OTUD7A: variants seen among roughly 807,000 people sequenced by gnomAD.
OTUD7A encodes the protein OTU deubiquitinase 7A.
OTUD7A carries 12 observed loss-of-function variants against 65.7 expected under a neutral mutation model. The ratio of observed to expected loss-of-function variants is 0.18; its 90% CI spans 0.12 to 0.30. OTUD7A has a LOEUF of 0.30. Among genes scored for constraint, OTUD7A ranks in the 10% least tolerant of loss-of-function variants. The pLI is 1.00. For synonymous variants in OTUD7A, 641 were observed against 586.3 expected, an observed-to-expected ratio of 1.09 and a Z score of -1.35; for missense variants, 1,148 against 1,304.8, an observed-to-expected ratio of 0.88 and a Z score of 1.85.
intron 1 of OTUD7A, among the ~76,000 whole-genome samples, chr15:31,846,420 T>C (rs1307223878): frequency 6.6e-6 from 1 of 152,136 alleles, no homozygotes; most frequent in Non-Finnish European, 1.5e-5. Context: ...GGAGCACATA[T>C]TGCAGATATC....
At chr15:31,494,671 G>A (rs536355291) in intron 10 of OTUD7A, among the ~76,000 whole-genome samples, 1 of 152,306 alleles carries the variant, frequency 6.6e-6, no homozygotes, top group Non-Finnish European at 1.5e-5. Flanking sequence ...GGTGCACTCT[G>A]TGCACACATC....
At chr15:31,511,154 C>CTATATGTAACACACATATATATG in intron 8 of OTUD7A, among the ~76,000 whole-genome samples, 1 of 17,966 alleles carries the variant, frequency 5.6e-5, no homozygotes, top group Non-Finnish European at 8.9e-5. Flanking sequence ...ATATGTATAT[C>CTATATGTAACACACATATATATG]TATATGTAAC....
chr15:31,765,404 C>T (rs1054531433), intron 1 of OTUD7A, among the ~76,000 whole-genome samples: 3 of 147,944 alleles, frequency 2.0e-5, no homozygotes, highest in South Asian at 4.2e-4. Flanking sequence ...AGAACTTGCA[C>T]ATGTGCAGAT....
At chr15:31,638,579 T>C (rs1227915798) in intron 3 of OTUD7A, among the ~76,000 whole-genome samples, 5 of 149,898 alleles carry the variant, frequency 3.3e-5, no homozygotes, top group Non-Finnish European at 5.9e-5. Flanking sequence ...TTTTTTTCAA[T>C]AGAGACGAGG....
At chr15:31,704,683 A>T (rs1379195168) in intron 1 of OTUD7A, among the ~76,000 whole-genome samples, 1 of 151,874 alleles carries the variant, frequency 6.6e-6, no homozygotes, top group Non-Finnish European at 1.5e-5. Flanking sequence ...TCCCCCTCAA[A>T]AACATTATCC....
intron 3 of OTUD7A, 65 bp from the exon 4 acceptor site, chr15:31,570,262 A>G: frequency 6.5e-7 from 1 of 1,532,866 alleles, no homozygotes; most frequent in Non-Finnish European, 9.0e-7. Flanking sequence ...ATCATAGAGA[A>G]GAACTGTGAC....
intron 6 of OTUD7A, among the ~76,000 whole-genome samples, chr15:31,528,340 G>T (rs548177832): frequency 6.6e-6 from 1 of 152,234 alleles, no homozygotes. Flanking sequence ...AGACCCAGAG[G>T]GGGCAGTACT....
At chr15:31,772,199 C>A (rs1200644149) in intron 1 of OTUD7A, among the ~76,000 whole-genome samples, 2 of 148,876 alleles carry the variant, frequency 1.3e-5, no homozygotes, top group Non-Finnish European at 3.0e-5. Flanking sequence ...TTGCAGTGAG[C>A]CGAGATCCCG....
At chr15:31,851,574 T>C (rs1897425642) in intron 1 of OTUD7A, among the ~76,000 whole-genome samples, 1 of 152,236 alleles carries the variant, frequency 6.6e-6, no homozygotes, top group South Asian at 2.1e-4. Flanking sequence ...GATGTAGTGT[T>C]TTCCAAACAC....
At chr15:31,834,715 G>A (rs1455933595) in intron 1 of OTUD7A, among the ~76,000 whole-genome samples, 1 of 152,212 alleles carries the variant, frequency 6.6e-6, no homozygotes, top group South Asian at 2.1e-4. Context: ...GACAACTTAA[G>A]TAAAGCATGC....
chr15:31,787,382 A>C lies in OTUD7A; in HGVS notation c.-100+83125T>G, dbSNP rs1895702047. ...CAAATTTGGAACCAAGATAGGAGCT[A>C]ATCAGCTACGAAAAATGTTCACTTA... On this transcript the variant is annotated intron_variant, in intron 1 of 12. Coordinates refer to ENST00000307050, the MANE Select transcript of OTUD7A (RefSeq NM_001382637.1). 2.0e-5 allele frequency: 3 copies of C among 152,338 alleles called. No individual in the cohort carries two copies. In the South Asian group the frequency reaches 6.2e-4, roughly 32 times the overall value. 9.4% of individuals were successfully genotyped at this position (152,338 alleles called of 1,614,324 possible).
At chr15:31,574,217 A>G (rs1470244203) in intron 3 of OTUD7A, among the ~76,000 whole-genome samples, 3 of 152,208 alleles carry the variant, frequency 2.0e-5, no homozygotes, top group East Asian at 1.9e-4. Context: ...CCATTAACAT[A>G]GTTTTTTAAA....
chr15:31,855,038 T>C (rs1897533148), intron 1 of OTUD7A, among the ~76,000 whole-genome samples: 1 of 152,086 alleles, frequency 6.6e-6, no homozygotes, highest in Admixed American at 6.5e-5. Context: ...ATGACAAATA[T>C]AAGACAAAAG....
rs1442354186 is a variant in OTUD7A, at chr15:31,503,721, C to T, written c.991G>A (p.Asp331Asn). ...ILRRPIVVVADTMLRDSGGEA... is the reference protein window; with the variant it reads ...ILRRPIVVVANTMLRDSGGEA... ...CCACCTGAGTCTCTTAACATTGTAT[C>T]TGCCACAACAACGATGGGCCTTCTT... Residue 331 changes from aspartate to asparagine, a missense_variant, in exon 9 of 13, where the codon GAT (aspartate) becomes AAT (asparagine). This residue lies in a region of OTUD7A where 58 missense variants were observed against 131.4 expected (regional missense o/e 0.44). Transcript: ENST00000307050. 2 of 1,614,072 alleles carry T rather than the reference C, an allele frequency of 1.2e-6. No individual in the cohort carries two copies. Among genetic ancestry groups the T allele is most frequent in the Non-Finnish European group, 1.7e-6 (2 of 1,180,050 alleles).
Position 31,483,991 on chromosome 15 carries a change from G to C in OTUD7A, c.2105C>G (p.Pro702Arg), listed in dbSNP as rs1183676874. Residue 702 changes from proline (P) to arginine (R), a missense_variant, in exon 13 of 13, where the codon CCG becomes CGG. Physicochemically the swap from Pro to Arg is moderately radical, Grantham distance 103 (BLOSUM62 -2). Coordinates refer to ENST00000307050, the MANE Select transcript of OTUD7A (RefSeq NM_001382637.1). ...AAAAATAKRP[P>R]RRPETEGVPV... ...CACGCCCTCCGTCTCCGGTCTGCGC[G>C]GCGGCCGCTTGGCCGTGGCGGCGGC... 1.1e-5 allele frequency: 12 copies of C among 1,128,430 alleles called. No homozygotes were observed. Among genetic ancestry groups the C allele is most frequent in the African/African-American group, 1.8e-5 (1 of 57,036 alleles). 69.9% of individuals were successfully genotyped at this position (1,128,430 alleles called of 1,614,324 possible).
At chr15:31,765,417 A>T (rs201559017) in intron 1 of OTUD7A, among the ~76,000 whole-genome samples, 1 of 151,892 alleles carries the variant, frequency 6.6e-6, no homozygotes, top group African/African-American at 2.4e-5. Context: ...GTGCAGATAA[A>T]TTTTTTTTAA....
chr15:31,780,094 G>A (rs555286404), intron 1 of OTUD7A, among the ~76,000 whole-genome samples: 2 of 152,228 alleles, frequency 1.3e-5, no homozygotes, highest in South Asian at 4.1e-4. Context: ...GAAGCAGACA[G>A]GCCAGCCGCG....
intron 1 of OTUD7A, among the ~76,000 whole-genome samples, chr15:31,860,677 G>GCATATATA (rs1555425281): frequency 9.7e-4 from 71 of 73,274 alleles, no homozygotes; most frequent in South Asian, 4.3e-3. Context: ...ATGTATGTGT[G>GCATATATA]TATATATATA....
At chr15:31,488,818 C>G (rs747731362) in intron 10 of OTUD7A, among the ~76,000 whole-genome samples, 1 of 152,238 alleles carries the variant, frequency 6.6e-6, no homozygotes. Flanking sequence ...TCTCCACCCC[C>G]GCACCTCTTC....
Sources: allele counts gnomAD v4.1 joint callset (sites outside exome capture counted in the v4.1 genomes callset), GRCh38; gene constraint gnomAD v4.1.1; regional missense constraint gnomAD v4.1.1; transcripts MANE v1.5; gene names NCBI Gene and HGNC (gene_info 2026-07-23, HGNC 2026-07-21).